Variants in PCBP3 observed in about 807,000 individuals in gnomAD.
PCBP3 encodes the protein poly(rC)-binding protein 3.
In PCBP3, 25 loss-of-function variants were observed where a neutral mutation model predicts 52.7. The ratio of observed to expected loss-of-function variants is 0.47; its 90% CI spans 0.35 to 0.66. The LOEUF is 0.66. Among genes scored for constraint, PCBP3 ranks in the 30% least tolerant of loss-of-function variants. The probability of loss-of-function intolerance (pLI) is 0.01; values close to 1 mark genes in which losing one functional copy is unlikely to be tolerated. For synonymous variants in PCBP3, 162 were observed against 183.0 expected, an observed-to-expected ratio of 0.89 and a Z score of 0.93; for missense variants, 391 against 490.3, an observed-to-expected ratio of 0.80 and a Z score of 1.91.
chr21:45,699,078 TTATG>T (rs1353551408), intron 2 of PCBP3, among the ~76,000 whole-genome samples: 2 of 152,174 alleles, frequency 1.3e-5, no homozygotes, highest in Non-Finnish European at 2.9e-5. Flanking sequence ...TCCCTGAGCT[TTATG>T]TAGCAACTCA....
chr21:45,726,771 T>C (rs188459410), intron 2 of PCBP3, among the ~76,000 whole-genome samples: 1 of 152,356 alleles, frequency 6.6e-6, no homozygotes, highest in African/African-American at 2.4e-5. Context: ...GCATGCGTTC[T>C]GCTTTCCTGG....
chr21:45,896,667 C>T (rs77695595), intron 6 of PCBP3, among the ~76,000 whole-genome samples: 371 of 95,586 alleles, frequency 3.9e-3, no homozygotes, highest in South Asian at 0.011. Flanking sequence ...ATGCACTGCC[C>T]GGGCCATTGG....
chr21:45,760,069 G>A (rs1009622850), intron 4 of PCBP3: 4 of 152,142 alleles, frequency 2.6e-5, no homozygotes, highest in Non-Finnish European at 4.4e-5. Flanking sequence ...TGCACTAACT[G>A]ATATACTTAA....
At chr21:45,844,057 C>T (rs1303480741) in intron 4 of PCBP3, among the ~76,000 whole-genome samples, 1 of 151,986 alleles carries the variant, frequency 6.6e-6, no homozygotes, top group African/African-American at 2.4e-5. Flanking sequence ...TCCATTAATG[C>T]TCGTCTCTCT....
intron 1 of PCBP3, among the ~76,000 whole-genome samples, chr21:45,655,503 A>G (rs1303952554): frequency 6.6e-6 from 1 of 152,152 alleles, no homozygotes; most frequent in Non-Finnish European, 1.5e-5. Flanking sequence ...ATAAATTAGC[A>G]TTTCTGTAGT....
intron 5 of PCBP3, 38 bp downstream of exon 5, chr21:45,850,133 A>T: frequency 6.6e-7 from 1 of 1,525,212 alleles, no homozygotes; most frequent in South Asian, 1.2e-5. Flanking sequence ...TTGTTTGTTT[A>T]CCAAGAGTGT....
At chr21:45,939,792 T>C (rs908488194) in intron 16 of PCBP3, among the ~76,000 whole-genome samples, 1 of 152,076 alleles carries the variant, frequency 6.6e-6, no homozygotes, top group African/African-American at 2.4e-5. Context: ...GCAGGGCGGG[T>C]CTGAGAGGGG....
intron 4 of PCBP3, among the ~76,000 whole-genome samples, chr21:45,786,163 C>T (rs1254831044): frequency 1.4e-5 from 2 of 146,334 alleles, no homozygotes; most frequent in South Asian, 2.1e-4. Flanking sequence ...TAAATCATAT[C>T]AAAGTAAAAA....
Position 45,886,533 on chromosome 21 carries a change from A to G in PCBP3, c.11-9675A>G, listed in dbSNP as rs57834261. 5.7e-3 allele frequency among the ~76,000 whole-genome samples: 730 copies of G among 128,312 alleles called. 8 individuals carry two copies. The highest frequency in any genetic ancestry group is 0.021 in the African/African-American group (687 of 33,436). The allele number at this position is 128,312 out of a possible 152,430, so 84.2% of individuals were successfully genotyped here. A position where few individuals can be genotyped will look rare whatever the true frequency, so the allele number is the denominator to read the frequency against. On this transcript the variant is annotated intron_variant, in intron 5 of 17. Coordinates refer to ENST00000681687, the MANE Select transcript of PCBP3 (RefSeq NM_001384156.1). ...TGGAGGAGGCCTCATTGCCTCTGGTACCAAGGGCAGAGGATGTGGTGAGGT... is the reference window on the plus strand; with the variant it reads ...TGGAGGAGGCCTCATTGCCTCTGGTGCCAAGGGCAGAGGATGTGGTGAGGT...
intron 2 of PCBP3, among the ~76,000 whole-genome samples, chr21:45,727,221 GT>G (rs1569156441): frequency 1.3e-5 from 2 of 152,108 alleles, no homozygotes; most frequent in African/African-American, 4.8e-5. Flanking sequence ...AAATGTCAAG[GT>G]TCTTATTTTT....
At chr21:45,935,567 A>G (rs1172526387) in intron 16 of PCBP3, 1 of 589,234 alleles carries the variant, frequency 1.7e-6, no homozygotes, top group Non-Finnish European at 3.2e-6. Context: ...CAGTAGTCAG[A>G]TGAGAGTTGG....
At chr21:45,691,020 A>G (rs1445978396) in intron 2 of PCBP3, among the ~76,000 whole-genome samples, 1 of 152,076 alleles carries the variant, frequency 6.6e-6, no homozygotes, top group Non-Finnish European at 1.5e-5. Flanking sequence ...CCAGATAATT[A>G]CCCACAAAAA....
In PCBP3 at chr21:45,798,238, T is replaced by C. The variant is rs534714351; in HGVS notation, c.-126+42786T>C. 2.2e-5 allele frequency among the ~76,000 whole-genome samples: 3 copies of C among 134,698 alleles called. No individual in the cohort carries two copies. In the East Asian group the frequency reaches 6.2e-4, roughly 28 times the overall value. 88.4% of individuals were successfully genotyped at this position (134,698 alleles called of 152,430 possible). On this transcript the variant is annotated intron_variant, in intron 4 of 17. Coordinates refer to ENST00000681687, the MANE Select transcript of PCBP3 (RefSeq NM_001384156.1). The stretch of plus-strand genomic sequence containing the variant: ...TAGAGAGAGTGAATGGATGTGTACA[T>C]GGATGAATGCATGGATCCATAGAGA...
intron 4 of PCBP3, among the ~76,000 whole-genome samples, chr21:45,826,016 A>G (rs890734231): frequency 5.9e-5 from 9 of 152,250 alleles, no homozygotes; most frequent in Non-Finnish European, 2.9e-5. Context: ...TCACGCCTGT[A>G]ATCCCAGCAT....
At chr21:45,797,736 C>CATGGATCTGTAGAGAGA (rs1427105045) in intron 4 of PCBP3, among the ~76,000 whole-genome samples, 2 of 129,722 alleles carry the variant, frequency 1.5e-5, no homozygotes, top group Admixed American at 1.6e-4. Context: ...TGGACGAGTG[C>CATGGATCTGTAGAGAGA]GTGGATCCAT....
At chr21:45,703,717 G>T (rs2083273861) in intron 2 of PCBP3, among the ~76,000 whole-genome samples, 1 of 152,176 alleles carries the variant, frequency 6.6e-6, no homozygotes, top group African/African-American at 2.4e-5. Context: ...TCATCAGGTA[G>T]GATGGTGGTG....
chr21:45,767,308 G>A (rs1167523035), intron 4 of PCBP3, among the ~76,000 whole-genome samples: 1 of 152,146 alleles, frequency 6.6e-6, no homozygotes, highest in Non-Finnish European at 1.5e-5. Flanking sequence ...GAACCACACA[G>A]CGTCTGGCTT....
chr21:45,772,456 A>G (rs767981191), intron 4 of PCBP3, among the ~76,000 whole-genome samples: 2 of 152,086 alleles, frequency 1.3e-5, no homozygotes, highest in Non-Finnish European at 2.9e-5. Flanking sequence ...TTCTCTATCC[A>G]TTCACCCTTT....
At chr21:45,888,565 G>C (rs747795370) in intron 5 of PCBP3, among the ~76,000 whole-genome samples, 3 of 152,184 alleles carry the variant, frequency 2.0e-5, no homozygotes, top group Non-Finnish European at 4.4e-5. Context: ...TGCCTGCTCC[G>C]GGGCAGGGCC....
Sources: gnomAD v4.1 joint callset for allele counts (sites outside exome capture counted in the v4.1 genomes callset) on GRCh38, gnomAD v4.1.1 for gene constraint, MANE v1.5 for transcripts, NCBI Gene and HGNC (gene_info 2026-07-23, HGNC 2026-07-21) for gene names.